Variants in ATP11A observed in about 807,000 individuals in gnomAD.
The protein encoded by ATP11A is phospholipid-transporting ATPase IH.
Under a neutral mutation model 154.4 loss-of-function variants are expected in ATP11A, and 81 were observed. The observed-to-expected ratio is 0.52, with a 90% CI of 0.44 to 0.63. ATP11A has a LOEUF of 0.63. Ranked by LOEUF, ATP11A falls within the 30% of genes least tolerant of loss-of-function variation. The pLI, the probability that ATP11A is intolerant of heterozygous loss-of-function variation, is 0.00. For synonymous variants in ATP11A, 623 were observed against 585.9 expected (o/e 1.06, Z -0.91); for missense variants, 1,316 against 1,474.3 (o/e 0.89, Z 1.76).
intron 1 of ATP11A, among the ~76,000 whole-genome samples, chr13:112,774,500 A>G (rs2077299008): frequency 6.6e-6 from 1 of 152,178 alleles, no homozygotes; most frequent in Admixed American, 6.5e-5. Context: ...AGGGACTCTC[A>G]GGGGAGGGTG....
At position 112,831,438 on chromosome 13, in the gene ATP11A, T is replaced by C; in HGVS notation, c.1285T>C (p.Cys429Arg). The C allele has an allele frequency of 6.2e-7, 1 of 1,613,586 alleles. No individual in the cohort carries two copies. Reference sequence around the variant, plus strand: ...GGAAAACAACATGGAGTTCAAGGAGTGCTGCATCGAAGGCCATGTCTACGT... The same window carrying C: ...GGAAAACAACATGGAGTTCAAGGAGCGCTGCATCGAAGGCCATGTCTACGT... Reference protein sequence around the residue: ...LTENNMEFKECCIEGHVYVPH... With the variant: ...LTENNMEFKERCIEGHVYVPH... Residue 429 changes from cysteine (C) to arginine (R), a missense_variant, in exon 13 of 30, where the codon TGC (cysteine) becomes CGC (arginine). Physicochemically the swap from Cys to Arg is radical, Grantham distance 180. This residue lies in a region of ATP11A where 876 missense variants were observed against 1,006.8 expected (regional missense o/e 0.87). Transcript: ENST00000375645.
In ATP11A at chr13:112,753,989, A is replaced by G. The variant is rs1825356506; in HGVS notation, c.40-31146A>G. 6.6e-6 allele frequency among the ~76,000 whole-genome samples: 1 copy of G among 152,222 alleles called. No individual in the cohort carries two copies. Among genetic ancestry groups the G allele is most frequent in the Non-Finnish European group, 1.5e-5 (1 of 68,042 alleles). ...CTGCCTCTGAAGCTGGTTCTGCCAC[A>G]CGCCTGACAGGCCGATCACAGCCTG... On this transcript the variant is annotated intron_variant, in intron 1 of 29. Transcript: ENST00000375645. This position sits in a 1 kb window ranked among gnomAD's most constrained non-coding sequence, Gnocchi z 4.1.
intron 2 of ATP11A, among the ~76,000 whole-genome samples, chr13:112,794,487 A>G (rs910405025): frequency 4.6e-5 from 7 of 152,212 alleles, no homozygotes; most frequent in Admixed American, 1.3e-4. Flanking sequence ...TGACAATAGT[A>G]GTGGTCAGCA....
intron 1 of ATP11A, among the ~76,000 whole-genome samples, chr13:112,779,712 G>A (rs528463381): frequency 2.6e-5 from 4 of 151,982 alleles, no homozygotes; most frequent in African/African-American, 7.2e-5. Context: ...TCAGGAGTTC[G>A]AGGCTAGCCT....
At chr13:112,751,277 T>C (rs1336698810) in intron 1 of ATP11A, among the ~76,000 whole-genome samples, 1 of 152,252 alleles carries the variant, frequency 6.6e-6, no homozygotes, top group African/African-American at 2.4e-5. Flanking sequence ...TTTTCTTCCA[T>C]GAACAGCCTG....
intron 1 of ATP11A, among the ~76,000 whole-genome samples, chr13:112,747,935 A>G (rs774589606): frequency 6.6e-6 from 1 of 152,246 alleles, no homozygotes; most frequent in Non-Finnish European, 1.5e-5. Flanking sequence ...AGCATCCCTC[A>G]TTCCAAAATC....
chr13:112,762,397 A>G (rs2076983301), intron 1 of ATP11A, among the ~76,000 whole-genome samples: 1 of 152,162 alleles, frequency 6.6e-6, no homozygotes, highest in Non-Finnish European at 1.5e-5. Flanking sequence ...TTGGAAAGAC[A>G]GCAGCAGCCT....
intron 1 of ATP11A, among the ~76,000 whole-genome samples, chr13:112,713,803 C>G (rs930666935): frequency 2.0e-5 from 3 of 152,082 alleles, no homozygotes; most frequent in African/African-American, 4.8e-5. Context: ...GGGAAAAAGG[C>G]CGAGGATGCT....
chr13:112,847,292 G>A (rs528539662), intron 17 of ATP11A, among the ~76,000 whole-genome samples: 13 of 152,318 alleles, frequency 8.5e-5, no homozygotes, highest in East Asian at 3.9e-4. Context: ...TTCTCCTTTC[G>A]CTGGCTGTGC....
chr13:112,764,281 T>C (rs1012260325), intron 1 of ATP11A, among the ~76,000 whole-genome samples: 1 of 152,198 alleles, frequency 6.6e-6, no homozygotes, highest in Non-Finnish European at 1.5e-5. Context: ...GCCTGTTCCT[T>C]ATAGGCTCAT....
At chr13:112,834,116 C>T (rs1405035675) in intron 14 of ATP11A, among the ~76,000 whole-genome samples, 1 of 152,244 alleles carries the variant, frequency 6.6e-6, no homozygotes, top group African/African-American at 2.4e-5. Flanking sequence ...ATGGGTGCAC[C>T]CACGTGCTGG....
chr13:112,837,358 T>C (rs1200047297), intron 16 of ATP11A, among the ~76,000 whole-genome samples: 1 of 152,144 alleles, frequency 6.6e-6, no homozygotes, highest in African/African-American at 2.4e-5. Context: ...TCAGGAAGCC[T>C]CTCCCGGACC....
At chr13:112,806,679 T>C (rs2078331083) in intron 4 of ATP11A, among the ~76,000 whole-genome samples, 1 of 152,124 alleles carries the variant, frequency 6.6e-6, no homozygotes, top group Non-Finnish European at 1.5e-5. Flanking sequence ...TTTGCTTTTT[T>C]TTTTCATAGC....
At chr13:112,839,333 A>T (rs2079329395) in intron 16 of ATP11A, among the ~76,000 whole-genome samples, 1 of 152,032 alleles carries the variant, frequency 6.6e-6, no homozygotes, top group Non-Finnish European at 1.5e-5. Context: ...ATGAAAGAGA[A>T]GGAAAGTCCT....
chr13:112,772,508 C>T (rs533878387), intron 1 of ATP11A, among the ~76,000 whole-genome samples: 99 of 151,962 alleles, frequency 6.5e-4, no homozygotes, highest in Non-Finnish European at 1.2e-3. Flanking sequence ...TCACCACAAT[C>T]TAATTTTAAA....
intron 1 of ATP11A, among the ~76,000 whole-genome samples, chr13:112,756,366 C>T (rs1352976778): frequency 1.3e-5 from 2 of 152,112 alleles, no homozygotes; most frequent in East Asian, 1.9e-4. Context: ...CTCTCTAGAC[C>T]CTGCAGGCCA....
Position 112,831,446 on chromosome 13 carries a change from C to T in ATP11A, c.1293C>T (p.Ile431=), listed in dbSNP as rs540248522. 3.1e-6 allele frequency: 5 copies of T among 1,614,200 alleles called. No individual in the cohort carries two copies. Among genetic ancestry groups the T allele is most frequent in the South Asian group, 2.2e-5 (2 of 91,086 alleles). ...ENNMEFKECC[I]EGHVYVPHVI... ...ACATGGAGTTCAAGGAGTGCTGCAT[C>T]GAAGGCCATGTCTACGTGCCCCACG... Residue 431 remains isoleucine, a synonymous_variant, in exon 13 of 30, where the codon ATC becomes ATT. Coordinates refer to ENST00000375645, the MANE Select transcript of ATP11A (RefSeq NM_015205.3).
At position 112,881,980 on chromosome 13, in the gene ATP11A, A is replaced by G. The variant is rs1336854820; in HGVS notation, c.*114A>G. On this transcript the variant is annotated 3_prime_UTR_variant, in exon 30 of 30. Coordinates refer to ENST00000375645, the MANE Select transcript of ATP11A (RefSeq NM_015205.3). ...AGGAGAAGGTGTCCACGGAGCCCCC[A>G]CCCATCCTCGGCGGTTCCCATCACC... 1.5e-6 allele frequency: 2 copies of G among 1,367,510 alleles called. No homozygotes were observed. Among genetic ancestry groups the G allele is most frequent in the East Asian group, 4.6e-5 (1 of 21,952 alleles). 84.7% of individuals were successfully genotyped at this position (1,367,510 alleles called of 1,614,324 possible).
chr13:112,714,624 G>A lies in ATP11A; in HGVS notation c.39+24169G>A, dbSNP rs145177408. Reference sequence around the variant, plus strand: ...GTCTGTGATGGAATACGCGTTCTGCGTGATGAGACTGTTATGGAGACGCAA... The same window carrying A: ...GTCTGTGATGGAATACGCGTTCTGCATGATGAGACTGTTATGGAGACGCAA... On this transcript the variant is annotated intron_variant, in intron 1 of 29. Transcript: ENST00000375645. Among the ~76,000 whole-genome samples the A allele has an allele frequency of 2.5e-4, 38 of 152,340 alleles. 1 individual carries two copies. The highest frequency in any genetic ancestry group is 4.0e-4 in the Non-Finnish European group (27 of 68,040).
Sources: allele counts gnomAD v4.1 joint callset (sites outside exome capture counted in the v4.1 genomes callset), GRCh38; gene constraint gnomAD v4.1.1; regional missense constraint gnomAD v4.1.1; non-coding constraint Gnocchi (gnomAD v3.1); transcripts MANE v1.5; gene names NCBI Gene and HGNC (gene_info 2026-07-23, HGNC 2026-07-21).